PNPLA7: variants seen among roughly 807,000 people sequenced by gnomAD.
PNPLA7 encodes patatin-like phospholipase domain-containing protein 7.
Under a neutral mutation model 161.7 loss-of-function variants are expected in PNPLA7, and 153 were observed. The observed-to-expected ratio is 0.95, with a 90% CI of 0.83 to 1.08. PNPLA7 has a LOEUF of 1.08. Ranked by LOEUF, PNPLA7 falls within the 50% of genes least tolerant of loss-of-function variation. The pLI, the probability that PNPLA7 is intolerant of heterozygous loss-of-function variation, is 0.00. For missense variants in PNPLA7, 1,739 were observed against 1,856.6 expected (o/e 0.94, Z 1.16); for synonymous variants, 809 against 782.1 (o/e 1.03, Z -0.57).
intron 25 of PNPLA7, among the ~76,000 whole-genome samples, chr9:137,473,821 G>A (rs1461555638): frequency 1.3e-5 from 2 of 152,122 alleles, no homozygotes; most frequent in African/African-American, 4.8e-5. Flanking sequence ...TGGGGATGTG[G>A]GTCACTCGAA....
chr9:137,497,451 ATTTT>A, intron 17 of PNPLA7, 141 bp from the exon 18 acceptor site: 1 of 798,552 alleles, frequency 1.3e-6, no homozygotes, highest in Non-Finnish European at 1.7e-6. Flanking sequence ...TGGAAAACAT[ATTTT>A]TTATTTTAAA....
At chr9:137,493,159 A>G (rs757253422) in intron 19 of PNPLA7, 77 bp from the exon 20 acceptor site, 54 of 1,453,556 alleles carry the variant, frequency 3.7e-5, no homozygotes, top group Non-Finnish European at 5.0e-5. Flanking sequence ...GTGATGCTCA[A>G]CAACAGCGAG....
At chr9:137,512,437 C>T (rs967626627) in intron 12 of PNPLA7, among the ~76,000 whole-genome samples, 3 of 152,338 alleles carry the variant, frequency 2.0e-5, no homozygotes, top group East Asian at 1.9e-4. Context: ...TGGCAGCCAT[C>T]GGGACGGCAG....
intron 14 of PNPLA7, among the ~76,000 whole-genome samples, chr9:137,504,059 G>C (rs1298099519): frequency 7.3e-6 from 1 of 137,508 alleles, no homozygotes; most frequent in Non-Finnish European, 1.6e-5. Flanking sequence ...GAAGGAAGAA[G>C]AAGAAAGAAG....
intron 21 of PNPLA7, among the ~76,000 whole-genome samples, chr9:137,481,868 G>A (rs1216649717): frequency 6.6e-6 from 1 of 152,172 alleles, no homozygotes; most frequent in Admixed American, 6.5e-5. Context: ...CTCGGGAGGT[G>A]GAGCTTGCAG....
rs1184678155 is a variant in PNPLA7 at position 137,523,666 on chromosome 9, G to A, written c.748-809C>T. On this transcript the variant is annotated intron_variant, in intron 8 of 34. Coordinates refer to ENST00000406427, the MANE Select transcript of PNPLA7 (RefSeq NM_001098537.3). The surrounding 1 kb of genome is among the most constrained non-coding windows in gnomAD (Gnocchi z 4.4). ...TTTTGAGACAGAGTCTCGTTCTGTC[G>A]TCCAGGCTGGAGTGCAATGGCGTGA... is the stretch of plus-strand genomic sequence containing the variant. 2.7e-5 allele frequency among the ~76,000 whole-genome samples: 4 copies of A among 147,568 alleles called. No homozygotes were observed. Among genetic ancestry groups the A allele is most frequent in the Non-Finnish European group, 6.0e-5 (4 of 67,162 alleles).
chr9:137,516,820 T>C (rs118009646), intron 11 of PNPLA7, among the ~76,000 whole-genome samples: 2,542 of 150,342 alleles, frequency 0.017, 37 homozygotes, highest in Non-Finnish European at 0.027. Context: ...CCTGTCTCAA[T>C]AGTAATAATA....
Position 137,547,516 on chromosome 9 carries a change from G to A in PNPLA7, c.105+69C>T. On this transcript the variant is annotated intron_variant, in intron 2 of 34. Transcript: ENST00000406427. The surrounding 1 kb of genome is among the most constrained non-coding windows in gnomAD (Gnocchi z 4.6). The stretch of plus-strand genomic sequence containing the variant: ...CTGGGCAGGAATGAGCCAGGGGATG[G>A]GGACAGGGAGAGGTGAAAAAGGCCA... The A allele has an allele frequency of 6.3e-7, 1 of 1,596,642 alleles. No individual in the cohort carries two copies. Among genetic ancestry groups the A allele is most frequent in the East Asian group, 2.2e-5 (1 of 44,780 alleles).
intron 25 of PNPLA7, among the ~76,000 whole-genome samples, chr9:137,473,989 G>A (rs1209804120): frequency 2.0e-5 from 3 of 152,196 alleles, no homozygotes; most frequent in South Asian, 2.1e-4. Context: ...CTGTAATCCC[G>A]GCACTTTGTG....
chr9:137,466,936 C>A (rs1408966814), intron 26 of PNPLA7, among the ~76,000 whole-genome samples: 1 of 149,542 alleles, frequency 6.7e-6, no homozygotes, highest in Non-Finnish European at 1.5e-5. Context: ...ACCACCGTCT[C>A]CACCATCTCA....
At chr9:137,480,201 T>C in intron 23 of PNPLA7, 111 bp downstream of exon 23, 2 of 1,404,598 alleles carry the variant, frequency 1.4e-6, no homozygotes. Context: ...TGTTGGCTCT[T>C]ATCATCTGTC....
intron 12 of PNPLA7, among the ~76,000 whole-genome samples, chr9:137,510,833 C>G (rs1300348331): frequency 6.6e-6 from 1 of 152,198 alleles, no homozygotes. Context: ...CACCCAGGTG[C>G]CGAGGCATGA....
At chr9:137,494,256 C>T (rs1832919500) in intron 19 of PNPLA7, among the ~76,000 whole-genome samples, 1 of 152,156 alleles carries the variant, frequency 6.6e-6, no homozygotes, top group Non-Finnish European at 1.5e-5. Context: ...GAGCAGCCCG[C>T]CCTGTCCTTC....
chr9:137,460,312 G>GC lies in PNPLA7; in HGVS notation c.*80dup. Reference sequence around the variant, plus strand: ...GGCTTCCAGCAGGGCAGGTACAGAGGCCCCTAGGACTTGGCAGGAGCCTCA... The same window carrying GC: ...GGCTTCCAGCAGGGCAGGTACAGAGGCCCCCTAGGACTTGGCAGGAGCCTCA... On this transcript the variant is annotated 3_prime_UTR_variant, in exon 35 of 35. Transcript: ENST00000406427. 1 of 1,399,416 alleles carries GC rather than the reference G, an allele frequency of 7.1e-7. No homozygotes were observed. Among genetic ancestry groups the GC allele is most frequent in the Non-Finnish European group, 9.8e-7 (1 of 1,019,460 alleles). 86.7% of individuals were successfully genotyped at this position (1,399,416 alleles called of 1,614,324 possible).
In PNPLA7 at chr9:137,547,250, C is replaced by T; in HGVS notation, c.193+59G>A. On this transcript the variant is annotated intron_variant, in intron 3 of 34. Transcript: ENST00000406427. The surrounding 1 kb of genome is among the most constrained non-coding windows in gnomAD (Gnocchi z 4.6). ...CCCTCCCAGGGGCTCAAAACACATC[C>T]CAAGACACCCACGCTTTCCCCCAAC... 13 of 1,535,980 alleles carry T rather than the reference C, an allele frequency of 8.5e-6. No homozygotes were observed. The highest frequency in any genetic ancestry group is 1.2e-5 in the Non-Finnish European group (13 of 1,110,616).
chr9:137,466,980 C>T (rs1404655932), intron 26 of PNPLA7, among the ~76,000 whole-genome samples: 2 of 149,652 alleles, frequency 1.3e-5, no homozygotes, highest in African/African-American at 2.5e-5. Context: ...CTCCCACCAC[C>T]GTCTCCACCA....
Position 137,460,015 on chromosome 9 carries a change from G to C in PNPLA7, c.*378C>G, listed in dbSNP as rs1328213878. ...AGCATCAGGGCTCCCACACCTCACAGGGCAGCAGGCAGTTCACAGGACAGC... is the reference window on the plus strand; with the variant it reads ...AGCATCAGGGCTCCCACACCTCACACGGCAGCAGGCAGTTCACAGGACAGC... On this transcript the variant is annotated 3_prime_UTR_variant, in exon 35 of 35. Coordinates refer to ENST00000406427, the MANE Select transcript of PNPLA7 (RefSeq NM_001098537.3). The C allele has an allele frequency of 4.4e-6, 1 of 226,168 alleles. No homozygotes were observed. Among genetic ancestry groups the C allele is most frequent in the African/African-American group, 2.3e-5 (1 of 43,888 alleles). 14.0% of individuals were successfully genotyped at this position (226,168 alleles called of 1,614,324 possible).
rs752536801 is a variant in PNPLA7 at position 137,480,376 on chromosome 9, CA to C, written c.2515del (p.Cys839AlafsTer38). 1.2e-6 allele frequency: 2 copies of C among 1,613,588 alleles called. No homozygotes were observed. The highest frequency in any genetic ancestry group is 1.7e-6 in the Non-Finnish European group (2 of 1,179,962). On this transcript the variant is annotated frameshift_variant, in exon 23 of 35. Transcript: ENST00000406427. LOFTEE classifies it high-confidence loss of function. ...DGTLTPWTQR[C>X]VRQADCILIV... ...GAGGATGCAGTCGGCCTGGCGCACGCAGCGCTGGGTCCAGGGTGTGAGCGTG... is the reference window on the plus strand; with the variant it reads ...GAGGATGCAGTCGGCCTGGCGCACGCGCGCTGGGTCCAGGGTGTGAGCGTG...
chr9:137,518,568 TC>T (rs1834783601), intron 11 of PNPLA7, among the ~76,000 whole-genome samples: 1 of 36,436 alleles, frequency 2.7e-5, no homozygotes. Flanking sequence ...CTCCACTCTG[TC>T]CACTCCATCC....
Sources: gnomAD v4.1 joint callset for allele counts (sites outside exome capture counted in the v4.1 genomes callset) on GRCh38, gnomAD v4.1.1 for gene constraint, Gnocchi (gnomAD v3.1) non-coding constraint, MANE v1.5 for transcripts, NCBI Gene and HGNC (gene_info 2026-07-23, HGNC 2026-07-21) for gene names.